Variants in PLEKHB2 observed in about 807,000 individuals in gnomAD.
PLEKHB2 encodes the protein pleckstrin homology domain-containing family B member 2.
PLEKHB2 carries 31 observed loss-of-function variants against 36.5 expected under a neutral mutation model. The ratio of observed to expected loss-of-function variants is 0.85; its 90% CI spans 0.64 to 1.15. The LOEUF (loss-of-function observed/expected upper bound fraction) is 1.15, where lower values mean the gene tolerates loss of function less well. PLEKHB2 is among the 50% of genes most tolerant of loss of function. The pLI is 0.00. For synonymous variants in PLEKHB2, 119 were observed against 112.0 expected (o/e 1.06, Z -0.39); for missense variants, 262 against 295.3 (o/e 0.89, Z 0.83).
chr2:131,141,314 T>G (rs993547479), intron 7 of PLEKHB2, among the ~76,000 whole-genome samples: 1 of 152,062 alleles, frequency 6.6e-6, no homozygotes, highest in African/African-American at 2.4e-5. Context: ...TTTGCTTGAC[T>G]TTTTTTCATG....
intron 2 of PLEKHB2, among the ~76,000 whole-genome samples, chr2:131,123,267 A>G (rs1381381831): frequency 1.3e-5 from 2 of 152,202 alleles, no homozygotes; most frequent in Non-Finnish European, 2.9e-5. Flanking sequence ...CAGTAAAACG[A>G]GGTGAGATAC....
intron 7 of PLEKHB2, among the ~76,000 whole-genome samples, chr2:131,142,232 T>G (rs1297204901): frequency 6.6e-6 from 1 of 152,256 alleles, no homozygotes; most frequent in African/African-American, 2.4e-5. Context: ...ATCCATTCTT[T>G]TCTTCTTATC....
At chr2:131,117,215 C>G (rs1312696687) in intron 1 of PLEKHB2, among the ~76,000 whole-genome samples, 2 of 152,152 alleles carry the variant, frequency 1.3e-5, no homozygotes, top group Non-Finnish European at 2.9e-5. Flanking sequence ...CTTTGAGAAG[C>G]TGAGGCGGGT....
intron 7 of PLEKHB2, among the ~76,000 whole-genome samples, chr2:131,144,732 C>G (rs955526574): frequency 7.2e-5 from 11 of 152,212 alleles, no homozygotes; most frequent in African/African-American, 2.7e-4. Flanking sequence ...AATGCAGGAG[C>G]AGAGCTCAGC....
intron 1 of PLEKHB2, chr2:131,120,483 CTT>C (rs1308638677): frequency 6.1e-6 from 1 of 163,072 alleles, no homozygotes; most frequent in African/African-American, 2.4e-5. Flanking sequence ...TTCTTGATGA[CTT>C]TTGTTTTTTT....
chr2:131,126,954 C>T, intron 4 of PLEKHB2, 168 bp downstream of exon 4: 1 of 581,676 alleles, frequency 1.7e-6, no homozygotes. Context: ...ATTCTAGTTT[C>T]TGCCTCTCTC....
chr2:131,145,535 G>C (rs1174790996), intron 7 of PLEKHB2, among the ~76,000 whole-genome samples: 1 of 151,976 alleles, frequency 6.6e-6, no homozygotes, highest in African/African-American at 2.4e-5. Context: ...GGGTTTCACT[G>C]TGTTGGCCAG....
intron 1 of PLEKHB2, chr2:131,120,717 G>T (rs1361557907): frequency 1.6e-5 from 10 of 623,874 alleles, no homozygotes; most frequent in Non-Finnish European, 2.9e-5. Context: ...GGGTGGTGAG[G>T]CTGAAGGCGA....
At chr2:131,127,254 G>C (rs949959237) in intron 4 of PLEKHB2, among the ~76,000 whole-genome samples, 1 of 152,180 alleles carries the variant, frequency 6.6e-6, no homozygotes, top group African/African-American at 2.4e-5. Flanking sequence ...GAGATGCTGG[G>C]TAGGATCCTT....
At chr2:131,125,070 C>T (rs984945417) in intron 2 of PLEKHB2, among the ~76,000 whole-genome samples, 1 of 152,142 alleles carries the variant, frequency 6.6e-6, no homozygotes, top group East Asian at 1.9e-4. Context: ...ACGCGTGAAC[C>T]ACCGTGCCTG....
At chr2:131,117,160 C>T (rs1452438890) in intron 1 of PLEKHB2, among the ~76,000 whole-genome samples, 4 of 151,982 alleles carry the variant, frequency 2.6e-5, no homozygotes, top group Non-Finnish European at 4.4e-5. Flanking sequence ...ATATCAAGAA[C>T]CATTAGAAGG....
intron 7 of PLEKHB2, among the ~76,000 whole-genome samples, chr2:131,142,479 C>CTT (rs999337199): frequency 6.7e-6 from 1 of 149,304 alleles, no homozygotes; most frequent in African/African-American, 2.5e-5. Context: ...TTTTTCCTCT[C>CTT]TTTTTTTTTG....
chr2:131,120,700 G>A (rs537453392), intron 1 of PLEKHB2: 57 of 596,024 alleles, frequency 9.6e-5, no homozygotes, highest in South Asian at 4.0e-4. Flanking sequence ...ACTCGGTCAG[G>A]TGGGCTGGGT....
chr2:131,142,905 T>C (rs1043703910), intron 7 of PLEKHB2, among the ~76,000 whole-genome samples: 2 of 152,138 alleles, frequency 1.3e-5, no homozygotes, highest in Admixed American at 6.5e-5. Flanking sequence ...TATCTCTATA[T>C]GCAGGCAGGC....
At chr2:131,130,292 C>T (rs1034214763) in intron 4 of PLEKHB2, among the ~76,000 whole-genome samples, 19 of 152,202 alleles carry the variant, frequency 1.2e-4, no homozygotes, top group Non-Finnish European at 1.8e-4. Flanking sequence ...GATCCCCCTG[C>T]CTTGGCCTCC....
In PLEKHB2 at chr2:131,147,591, G is replaced by C. The variant is rs1699388681; in HGVS notation, c.*818G>C. 1 of 152,238 alleles carries C rather than the reference G, an allele frequency of 6.6e-6. No individual in the cohort carries two copies. The highest frequency in any genetic ancestry group is 1.5e-5 in the Non-Finnish European group (1 of 68,074). The allele number at this position is 152,238 out of a possible 1,614,324, so 9.4% of individuals were successfully genotyped here. ...AGGCGGGCGGATCACGAGGTCAGGAGATCGAGACCATCCTGGCTAACACGG... is the reference window on the plus strand; with the variant it reads ...AGGCGGGCGGATCACGAGGTCAGGACATCGAGACCATCCTGGCTAACACGG... On this transcript the variant is annotated 3_prime_UTR_variant, in exon 8 of 8. Transcript: ENST00000693505.
At chr2:131,128,859 G>T (rs1697356557) in intron 4 of PLEKHB2, among the ~76,000 whole-genome samples, 1 of 152,208 alleles carries the variant, frequency 6.6e-6, no homozygotes, top group African/African-American at 2.4e-5. Flanking sequence ...TAATCGAACT[G>T]AATTGGCAGA....
chr2:131,109,380 C>T (rs917632623), intron 1 of PLEKHB2, among the ~76,000 whole-genome samples: 1 of 152,112 alleles, frequency 6.6e-6, no homozygotes, highest in African/African-American at 2.4e-5. Flanking sequence ...CAAAATAATA[C>T]ATGTACATAG....
chr2:131,108,168 G>A (rs1265047606), intron 1 of PLEKHB2: 1 of 152,170 alleles, frequency 6.6e-6, no homozygotes, highest in Non-Finnish European at 1.5e-5. Flanking sequence ...GATTCCAAAG[G>A]CAGTATTTTT....
Sources: gnomAD v4.1 joint callset for allele counts (sites outside exome capture counted in the v4.1 genomes callset) on GRCh38, gnomAD v4.1.1 for gene constraint, MANE v1.5 for transcripts, NCBI Gene and HGNC (gene_info 2026-07-23, HGNC 2026-07-21) for gene names.